SMTN: variants seen among roughly 807,000 people sequenced by gnomAD.
The protein encoded by SMTN is smoothelin.
Under a neutral mutation model 102.0 loss-of-function variants are expected in SMTN, and 58 were observed. That is an observed-to-expected ratio of 0.57 (90% CI 0.46 to 0.71). SMTN has a LOEUF of 0.71. Among genes scored for constraint, SMTN ranks in the 30% least tolerant of loss-of-function variants. The pLI is 0.00. For missense variants in SMTN, 1,185 were observed against 1,241.7 expected (o/e 0.95, Z 0.69); for synonymous variants, 478 against 497.9 (o/e 0.96, Z 0.53).
chr22:31,083,394 G>A lies in SMTN; in HGVS notation c.51+85G>A. 3 of 1,425,486 alleles carry A rather than the reference G, an allele frequency of 2.1e-6. No individual in the cohort carries two copies. In the South Asian group the frequency reaches 4.4e-5, roughly 21 times the overall value. The allele number at this position is 1,425,486 out of a possible 1,614,324, so 88.3% of individuals were successfully genotyped here. ...ATCCAGGGTACCTCTCAGCTGACAGGAAGAAGTGATGGGGGAAAGGTCAGG... is the reference window on the plus strand; with the variant it reads ...ATCCAGGGTACCTCTCAGCTGACAGAAAGAAGTGATGGGGGAAAGGTCAGG... On this transcript the variant is annotated intron_variant, in intron 2 of 20. Transcript: ENST00000333137.
chr22:31,090,011 G>A lies in SMTN; in HGVS notation c.784G>A (p.Val262Ile). 1.2e-6 allele frequency: 2 copies of A among 1,607,960 alleles called. No individual in the cohort carries two copies. The highest frequency in any genetic ancestry group is 1.3e-5 in the African/African-American group (1 of 74,850). Residue 262 changes from valine to isoleucine, a missense_variant, in exon 7 of 21, where the codon GTC (valine) becomes ATC (isoleucine). Physicochemically the swap from Val to Ile is conservative, Grantham distance 29. Around this residue, in one of 2 missense-constraint regions of SMTN, gnomAD observed 1,096 missense variants for 1,112.7 expected, o/e 0.98. Coordinates refer to ENST00000333137, the MANE Select transcript of SMTN (RefSeq NM_134269.3). ...GCTCCCCAGCACTGAGGGCCAGGTG[G>A]TCAACAAGGTGAGTCTGGATGAGGG... Reference protein sequence around the residue: ...PTLPSTEGQVVNKLLSGPKET... With the variant: ...PTLPSTEGQVINKLLSGPKET...
Position 31,100,873 on chromosome 22 carries a change from T to G in SMTN, c.2604-12T>G. Reference sequence around the variant, plus strand: ...CGTCCCCCACCCCTTCCCGGCCCCCTACCCTCCCCAGGACCCATGCGGACT... The same window carrying G: ...CGTCCCCCACCCCTTCCCGGCCCCCGACCCTCCCCAGGACCCATGCGGACT... On this transcript the variant is annotated splice_polypyrimidine_tract_variant and intron_variant, in intron 19 of 20. Coordinates refer to ENST00000333137, the MANE Select transcript of SMTN (RefSeq NM_134269.3). The G allele has an allele frequency of 2.9e-5, 9 of 312,044 alleles. No individual in the cohort carries two copies. Among genetic ancestry groups the G allele is most frequent in the East Asian group, 1.5e-4 (1 of 6,574 alleles). The allele number at this position is 312,044 out of a possible 1,614,324, so 19.3% of individuals were successfully genotyped here.
intron 16 of SMTN, among the ~76,000 whole-genome samples, chr22:31,098,316 CAG>C (rs2043763014): frequency 6.6e-6 from 1 of 152,114 alleles, no homozygotes; most frequent in Non-Finnish European, 1.5e-5. Flanking sequence ...AAAGGATCAA[CAG>C]AGATGAATTA....
intron 16 of SMTN, among the ~76,000 whole-genome samples, 196 bp from the exon 17 acceptor site, chr22:31,098,471 A>G (rs542239826): frequency 1.7e-4 from 26 of 152,248 alleles, no homozygotes; most frequent in African/African-American, 6.0e-4. Flanking sequence ...AAACCTGTTG[A>G]AAACCTTGCT....
At chr22:31,091,523 T>C in intron 10 of SMTN, 41 bp downstream of exon 10, 1 of 1,514,572 alleles carries the variant, frequency 6.6e-7, no homozygotes, top group Non-Finnish European at 8.8e-7. Context: ...GATGAGTGCC[T>C]GCAACCGCAC....
At chr22:31,096,626 TA>T in intron 13 of SMTN, 106 bp from the exon 14 acceptor site, 1 of 1,270,698 alleles carries the variant, frequency 7.9e-7, no homozygotes, top group South Asian at 1.7e-5. Flanking sequence ...TTCATGTTTC[TA>T]ACAAGCCACC....
chr22:31,094,406 C>T (rs914262977), intron 11 of SMTN, among the ~76,000 whole-genome samples: 3 of 152,214 alleles, frequency 2.0e-5, no homozygotes, highest in Admixed American at 6.5e-5. Flanking sequence ...CTACAGGCCC[C>T]GGGCCAGCCC....
intron 17 of SMTN, 53 bp downstream of exon 17, chr22:31,098,893 G>T: frequency 1.9e-6 from 3 of 1,554,468 alleles, no homozygotes; most frequent in Non-Finnish European, 2.6e-6. Context: ...ATAGGCAGTG[G>T]GGGGCGGGGC....
rs371884468 is a variant in SMTN, at chr22:31,091,449, C to T, written c.1426C>T (p.Arg476Trp). 5.2e-6 allele frequency: 8 copies of T among 1,530,548 alleles called. No homozygotes were observed. The highest frequency in any genetic ancestry group is 4.5e-5 in the East Asian group (2 of 44,246). The allele number at this position is 1,530,548 out of a possible 1,614,324, so 94.8% of individuals were successfully genotyped here. ...KDGRGQASTG[R>W]VLLPTGNQRA... ...CGGCCGTGGCCAGGCCTCCACAGGC[C>T]GGGTGCTGCTGCCCACAGGCAACCA... Residue 476 changes from arginine to tryptophan, a missense_variant, in exon 10 of 21, where the codon CGG (arginine) becomes TGG (tryptophan). Transcript: ENST00000333137.
intron 11 of SMTN, chr22:31,093,813 CCACCCACCTGCCTTCAG>C: frequency 6.3e-7 from 1 of 1,593,420 alleles, no homozygotes; most frequent in Non-Finnish European, 8.5e-7. Flanking sequence ...CCCCCGTGGC[CCACCCACCTGCCTTCAG>C]CACCCGCCGC....
rs776299492 is a variant in SMTN, at chr22:31,104,514, T to C, written c.*219T>C. The C allele has an allele frequency of 2.5e-6, 4 of 1,597,490 alleles. No individual in the cohort carries two copies. Among genetic ancestry groups the C allele is most frequent in the Non-Finnish European group, 3.4e-6 (4 of 1,173,710 alleles). On this transcript the variant is annotated 3_prime_UTR_variant, in exon 21 of 21. Transcript: ENST00000333137. ...CAGTGGCAAGCTGCCGCCCCCACTC[T>C]CCGGGCACCGTCTCCTGCCTGTGCG... is the stretch of plus-strand genomic sequence containing the variant.
chr22:31,077,941 C>T (rs1255037574), upstream of SMTN, among the ~76,000 whole-genome samples: 1 of 152,224 alleles, frequency 6.6e-6, no homozygotes, highest in African/African-American at 2.4e-5. Context: ...GAAGGTCATA[C>T]CCCTTGGATC....
intron 20 of SMTN, 71 bp downstream of exon 20, chr22:31,101,120 G>A: frequency 7.0e-7 from 1 of 1,433,096 alleles, no homozygotes; most frequent in Non-Finnish European, 9.4e-7. Context: ...AGAGGGTCCA[G>A]GGAGGCGGGT....
At chr22:31,080,159 T>A (rs1476048204), upstream of SMTN, among the ~76,000 whole-genome samples, 1 of 152,146 alleles carries the variant, frequency 6.6e-6, no homozygotes, top group East Asian at 1.9e-4. Flanking sequence ...GTGTGGAGAC[T>A]GGGCCTTTCC....
At position 31,099,251 on chromosome 22, in the gene SMTN, C is replaced by G. The variant is rs1232951713; in HGVS notation, c.2451+72C>G. The G allele has an allele frequency of 1.4e-5, 13 of 958,818 alleles. No homozygotes were observed. In the Admixed American group the frequency reaches 2.6e-4, roughly 19 times the overall value. 59.4% of individuals were successfully genotyped at this position (958,818 alleles called of 1,614,324 possible). On this transcript the variant is annotated intron_variant, in intron 18 of 20. Transcript: ENST00000333137. ...GCTCAACACCTCCTTCTTAGCAGAGCTCCTATTACCCAGTACACTTCCTGC... is the reference window on the plus strand; with the variant it reads ...GCTCAACACCTCCTTCTTAGCAGAGGTCCTATTACCCAGTACACTTCCTGC...
At chr22:31,104,117 T>G in intron 20 of SMTN, 199 bp from the exon 21 acceptor site, 1 of 612,342 alleles carries the variant, frequency 1.6e-6, no homozygotes, top group Non-Finnish European at 2.8e-6. Context: ...TGCCTAGCTC[T>G]GCTCCCCCGC....
intron 8 of SMTN, 94 bp from the exon 9 acceptor site, chr22:31,090,714 G>A: frequency 3.1e-6 from 3 of 973,338 alleles, no homozygotes; most frequent in Non-Finnish European, 4.9e-6. Context: ...AAGCTAGGGA[G>A]GTGTAGAGGA....
intron 1 of SMTN, chr22:31,066,056 T>C (rs756820078): frequency 6.6e-6 from 1 of 152,176 alleles, no homozygotes; most frequent in Non-Finnish European, 1.5e-5. Context: ...CTTATCCTAC[T>C]TGCCAAGCCT....
intron 2 of SMTN, chr22:31,084,876 G>C (rs1034324019): frequency 1.9e-6 from 2 of 1,057,080 alleles, no homozygotes; most frequent in Admixed American, 4.1e-5. Flanking sequence ...TGCGCCCCGC[G>C]CGCCGGCCCG....
Sources: allele counts gnomAD v4.1 joint callset (sites outside exome capture counted in the v4.1 genomes callset), GRCh38; gene constraint gnomAD v4.1.1; regional missense constraint gnomAD v4.1.1; transcripts MANE v1.5; gene names NCBI Gene and HGNC (gene_info 2026-07-23, HGNC 2026-07-21).